ITGA11: variants seen among roughly 807,000 people sequenced by gnomAD.
ITGA11 encodes integrin subunit alpha 11, also known as integrin alpha-11.
ITGA11 carries 97 observed loss-of-function variants against 141.9 expected under a neutral mutation model. The observed-to-expected ratio is 0.68, with a 90% confidence interval of 0.58 to 0.81. The LOEUF is 0.81. ITGA11 is among the 30% of genes least tolerant of loss of function. The pLI is 0.00. For missense variants in ITGA11, 1,387 were observed against 1,559.2 expected, an observed-to-expected ratio of 0.89 and a Z score of 1.86; for synonymous variants, 658 against 624.6, an observed-to-expected ratio of 1.05 and a Z score of -0.80.
At chr15:68,363,989 G>A (rs1028633173) in intron 4 of ITGA11, among the ~76,000 whole-genome samples, 4 of 152,132 alleles carry the variant, frequency 2.6e-5, no homozygotes, top group Non-Finnish European at 5.9e-5. Flanking sequence ...AGCAGGACAG[G>A]GTCTCTATTC....
intron 1 of ITGA11, among the ~76,000 whole-genome samples, chr15:68,430,371 A>T (rs140887592): frequency 1.3e-5 from 2 of 152,334 alleles, no homozygotes; most frequent in Admixed American, 6.5e-5. Context: ...TTGTGTCTCC[A>T]TTCTTCACAT....
chr15:68,365,520 A>C (rs958251259), intron 3 of ITGA11: 1 of 161,166 alleles, frequency 6.2e-6, no homozygotes, highest in African/African-American at 2.5e-5. Flanking sequence ...AAAGGAAGTG[A>C]GTCTGAATTC....
intron 2 of ITGA11, among the ~76,000 whole-genome samples, chr15:68,392,437 G>C (rs528151647): frequency 3.9e-4 from 59 of 152,322 alleles, no homozygotes; most frequent in Admixed American, 1.6e-3. Flanking sequence ...TGGATGCAGA[G>C]AGTAGAAGTC....
intron 10 of ITGA11, among the ~76,000 whole-genome samples, chr15:68,347,588 G>A (rs181545244): frequency 1.8e-3 from 280 of 152,218 alleles, no homozygotes; most frequent in African/African-American, 6.3e-3. Context: ...TGCATGTCAC[G>A]CACATGTCCC....
intron 11 of ITGA11, among the ~76,000 whole-genome samples, chr15:68,338,750 C>T (rs886364109): frequency 6.6e-6 from 1 of 152,244 alleles, no homozygotes; most frequent in African/African-American, 2.4e-5. Flanking sequence ...GGCCCCAAGT[C>T]CATGGAGGAG....
chr15:68,422,149 G>T (rs141868628), intron 1 of ITGA11, among the ~76,000 whole-genome samples: 16 of 152,288 alleles, frequency 1.1e-4, no homozygotes, highest in Non-Finnish European at 2.1e-4. Context: ...ACTCAGGCCC[G>T]CACCACTGAG....
intron 2 of ITGA11, among the ~76,000 whole-genome samples, chr15:68,380,807 G>A (rs544823089): frequency 2.8e-4 from 43 of 152,316 alleles, no homozygotes; most frequent in African/African-American, 1.0e-3. Flanking sequence ...TTGTGGCAGA[G>A]TCATCCTCAA....
At chr15:68,315,805 C>T (rs559236128) in intron 21 of ITGA11, 78 bp from the exon 22 acceptor site, 1 of 1,221,028 alleles carries the variant, frequency 8.2e-7, no homozygotes, top group Non-Finnish European at 1.1e-6. Flanking sequence ...CCCCACAGCC[C>T]CCTGCTGGCT....
intron 2 of ITGA11, among the ~76,000 whole-genome samples, chr15:68,399,056 G>A (rs1419326978): frequency 6.6e-6 from 1 of 151,806 alleles, no homozygotes; most frequent in Non-Finnish European, 1.5e-5. Context: ...TTTTGTTGGA[G>A]GAAAATTGAC....
chr15:68,327,982 T>C (rs950959401), intron 16 of ITGA11, 114 bp downstream of exon 16: 28 of 1,044,000 alleles, frequency 2.7e-5, no homozygotes, highest in Non-Finnish European at 3.4e-5. Flanking sequence ...AGGTGGCTCT[T>C]GGGCGACCTG....
At position 68,406,748 on chromosome 15, in the gene ITGA11, A is replaced by C. The variant is rs553048846; in HGVS notation, c.53-3719T>G. 7.2e-5 allele frequency among the ~76,000 whole-genome samples: 11 copies of C among 152,310 alleles called. No homozygotes were observed. The South Asian group carries it at 2.1e-3, about 29-fold the overall frequency. The stretch of plus-strand genomic sequence containing the variant: ...GTAGATACTGGTTGACTGAACAGTT[A>C]GAGACCAGGATCTTCATTTGTCTGG... On this transcript the variant is annotated intron_variant, in intron 1 of 29. Transcript: ENST00000315757.
rs1315348658 is a variant in ITGA11 at position 68,358,513 on chromosome 15, T to C, written c.545A>G (p.Gln182Arg). Reference protein sequence around the residue: ...SNSIYPWVEVQHFLINILKKF... With the variant: ...SNSIYPWVEVRHFLINILKKF... Reference sequence around the variant, plus strand: ...TTTCAGGATGTTGATGAGGAAGTGCTGAACCTCCACCCAGGGGTAGATGCT... The same window carrying C: ...TTTCAGGATGTTGATGAGGAAGTGCCGAACCTCCACCCAGGGGTAGATGCT... Residue 182 changes from glutamine to arginine, a missense_variant, in exon 6 of 30, where the codon CAG (glutamine) becomes CGG (arginine). Physicochemically the swap from Gln to Arg is conservative, Grantham distance 43. Coordinates refer to ENST00000315757, the MANE Select transcript of ITGA11 (RefSeq NM_001004439.2). The C allele has an allele frequency of 6.2e-7, 1 of 1,614,128 alleles. No homozygotes were observed. Among genetic ancestry groups the C allele is most frequent in the Non-Finnish European group, 8.5e-7 (1 of 1,180,000 alleles).
chr15:68,322,311 C>G lies in ITGA11; in HGVS notation c.2323-808G>C, dbSNP rs919732135. 6.6e-6 allele frequency among the ~76,000 whole-genome samples: 1 copy of G among 152,132 alleles called. No individual in the cohort carries two copies. Among genetic ancestry groups the G allele is most frequent in the African/African-American group, 2.4e-5 (1 of 41,426 alleles). ...ACAGACCTGCATGCTGAAGGCTGCCCTGGCTGCTGTGGGAGAATGGAGTGA... is the reference window on the plus strand; with the variant it reads ...ACAGACCTGCATGCTGAAGGCTGCCGTGGCTGCTGTGGGAGAATGGAGTGA... On this transcript the variant is annotated intron_variant, in intron 18 of 29. Coordinates refer to ENST00000315757, the MANE Select transcript of ITGA11 (RefSeq NM_001004439.2). This position sits in a 1 kb window ranked among gnomAD's most constrained non-coding sequence, Gnocchi z 5.6.
At chr15:68,402,111 C>T (rs940665543) in intron 2 of ITGA11, among the ~76,000 whole-genome samples, 3 of 151,960 alleles carry the variant, frequency 2.0e-5, no homozygotes, top group East Asian at 1.9e-4. Context: ...AAGAGGGCAG[C>T]GTAGAACATT....
intron 1 of ITGA11, among the ~76,000 whole-genome samples, chr15:68,414,690 A>C (rs1595897738): frequency 6.6e-6 from 1 of 151,920 alleles, no homozygotes; most frequent in South Asian, 2.1e-4. Context: ...CACCGGGGGC[A>C]CTCCCGTGGG....
At chr15:68,339,364 T>C in intron 11 of ITGA11, 136 bp downstream of exon 11, 1 of 998,154 alleles carries the variant, frequency 1.0e-6, no homozygotes, top group Admixed American at 2.3e-5. Flanking sequence ...GGGGATGCTC[T>C]TCAGAGTTGG....
At chr15:68,368,357 C>A (rs983755422) in intron 3 of ITGA11, among the ~76,000 whole-genome samples, 3 of 152,234 alleles carry the variant, frequency 2.0e-5, no homozygotes, top group African/African-American at 7.2e-5. Context: ...GAGAGCAGAG[C>A]AAGCAATGAC....
chr15:68,367,547 C>T (rs914756013), intron 3 of ITGA11, among the ~76,000 whole-genome samples: 1 of 152,178 alleles, frequency 6.6e-6, no homozygotes, highest in African/African-American at 2.4e-5. Context: ...ACTTCCATCA[C>T]CCCCTAGCCA....
chr15:68,376,272 G>A (rs1223737049), intron 2 of ITGA11, among the ~76,000 whole-genome samples: 2 of 151,782 alleles, frequency 1.3e-5, no homozygotes, highest in African/African-American at 2.4e-5. Flanking sequence ...TGCACAGCCG[G>A]GTCTTCTCAG....
Sources: allele counts gnomAD v4.1 joint callset (sites outside exome capture counted in the v4.1 genomes callset), GRCh38; gene constraint gnomAD v4.1.1; non-coding constraint Gnocchi (gnomAD v3.1); transcripts MANE v1.5; gene names NCBI Gene and HGNC (gene_info 2026-07-23, HGNC 2026-07-21).